MTPN: variants seen among roughly 807,000 people sequenced by gnomAD.
MTPN encodes the protein myotrophin, also known as granule cell differentiation protein.
In MTPN, 2 loss-of-function variants were observed where a neutral mutation model predicts 13.5. The ratio of observed to expected loss-of-function variants is 0.15; its 90% CI spans 0.06 to 0.47. The LOEUF is 0.47. MTPN is among the 20% of genes least tolerant of loss of function. The pLI is 0.97. For missense variants in MTPN, 79 were observed against 137.9 expected (o/e 0.57, Z 2.14); for synonymous variants, 46 against 51.7 (o/e 0.89, Z 0.48).
rs182795898 is a variant in MTPN, at chr7:135,950,022, G to A, written c.270+577C>T. The stretch of plus-strand genomic sequence containing the variant: ...ATCCATCTAATACAGCTAGAATGGC[G>A]GCAACTAAATGGTTAATTTCTGAGT... On this transcript the variant is annotated intron_variant, in intron 3 of 3. Transcript: ENST00000393085. 1.2e-4 allele frequency among the ~76,000 whole-genome samples: 18 copies of A among 152,136 alleles called. No individual in the cohort carries two copies. The East Asian group carries it at 3.5e-3, about 29-fold the overall frequency.
chr7:135,967,539 T>C (rs1360816181), intron 1 of MTPN, among the ~76,000 whole-genome samples: 1 of 152,174 alleles, frequency 6.6e-6, no homozygotes, highest in Non-Finnish European at 1.5e-5. Context: ...CAAATAGCAC[T>C]ATGATACTGG....
rs1231383605 is a variant in MTPN, at chr7:135,928,283, TG to T, written c.*1642del. On this transcript the variant is annotated 3_prime_UTR_variant, in exon 4 of 4. Coordinates refer to ENST00000393085, the MANE Select transcript of MTPN (RefSeq NM_145808.4). ...GCCACAGGATTAAAAAAAGGACTCA[TG>T]GGGAAAAATACACACACACACCCAC... 2 of 166,834 alleles carry T rather than the reference TG, an allele frequency of 1.2e-5. No homozygotes were observed. Among genetic ancestry groups the T allele is most frequent in the Admixed American group, 6.6e-5 (1 of 15,228 alleles). The allele number at this position is 166,834 out of a possible 1,614,324, so 10.3% of individuals were successfully genotyped here.
chr7:135,964,712 C>A (rs1799577781), intron 1 of MTPN, among the ~76,000 whole-genome samples: 1 of 152,058 alleles, frequency 6.6e-6, no homozygotes, highest in Admixed American at 6.6e-5. Context: ...TTCTCTCTAT[C>A]CACAAGCACC....
intron 1 of MTPN, among the ~76,000 whole-genome samples, chr7:135,970,068 C>T (rs567762096): frequency 2.0e-5 from 3 of 152,052 alleles, no homozygotes; most frequent in African/African-American, 4.8e-5. Flanking sequence ...AAGGTGATCA[C>T]GACAATCCTG....
intron 3 of MTPN, among the ~76,000 whole-genome samples, chr7:135,948,924 G>C (rs1799323535): frequency 6.6e-6 from 1 of 152,100 alleles, no homozygotes; most frequent in African/African-American, 2.4e-5. Context: ...GTAAAAAAAA[G>C]GTCAGGGAAA....
intron 1 of MTPN, chr7:135,960,557 T>C (rs1235984869): frequency 6.6e-6 from 1 of 151,886 alleles, no homozygotes; most frequent in East Asian, 1.9e-4. Context: ...AAAACCAATA[T>C]GGAGGTAGGG....
At chr7:135,972,231 G>GCGCGCGCACACACACACA (rs779296906) in intron 1 of MTPN, among the ~76,000 whole-genome samples, 14 of 124,718 alleles carry the variant, frequency 1.1e-4, no homozygotes, top group African/African-American at 4.2e-4. Context: ...GCACGCGCGC[G>GCGCGCGCACACACACACA]CACACACACA....
intron 1 of MTPN, among the ~76,000 whole-genome samples, chr7:135,970,857 C>T (rs1347915767): frequency 6.6e-6 from 1 of 152,066 alleles, no homozygotes; most frequent in African/African-American, 2.4e-5. Context: ...TACAAGCTGA[C>T]ATATGCTTTC....
intron 3 of MTPN, among the ~76,000 whole-genome samples, chr7:135,946,911 C>A (rs1799296102): frequency 6.6e-6 from 1 of 152,052 alleles, no homozygotes; most frequent in Non-Finnish European, 1.5e-5. Flanking sequence ...CTTCTTCACA[C>A]TCTCACTCCT....
Position 135,927,300 on chromosome 7 carries a change from A to T in MTPN, c.*2626T>A. On this transcript the variant is annotated 3_prime_UTR_variant, in exon 4 of 4. Coordinates refer to ENST00000393085, the MANE Select transcript of MTPN (RefSeq NM_145808.4). ...TAGAAAGGTGAGCTATGCGTAGAAG[A>T]ACTACTTGGGATATTCAAGTGCTGT... 1.3e-6 allele frequency: 2 copies of T among 1,550,270 alleles called. No individual in the cohort carries two copies. Among genetic ancestry groups the T allele is most frequent in the Non-Finnish European group, 1.7e-6 (2 of 1,146,494 alleles).
At chr7:135,947,552 T>C (rs1027837818) in intron 3 of MTPN, among the ~76,000 whole-genome samples, 7 of 152,268 alleles carry the variant, frequency 4.6e-5, no homozygotes, top group Middle Eastern at 3.4e-3. Context: ...TCTCTACATT[T>C]TTCTCATTTA....
intron 1 of MTPN, among the ~76,000 whole-genome samples, chr7:135,968,274 C>T (rs1267722627): frequency 3.9e-5 from 6 of 152,084 alleles, no homozygotes; most frequent in Non-Finnish European, 8.8e-5. Context: ...TTTCGTGAAG[C>T]TCAAGGTTAC....
At position 135,931,577 on chromosome 7, in the gene MTPN, C is replaced by A. The variant is rs182882029; in HGVS notation, c.271-1565G>T. 1.3e-5 allele frequency among the ~76,000 whole-genome samples: 2 copies of A among 152,196 alleles called. 1 individual carries two copies. Among genetic ancestry groups the A allele is most frequent in the Admixed American group, 1.3e-4 (2 of 15,298 alleles). ...GGGTCAAGTGGGAGAGACGTCAGTGCGTGAGAACTTCAGTGCTGTGAGTCC... is the reference window on the plus strand; with the variant it reads ...GGGTCAAGTGGGAGAGACGTCAGTGAGTGAGAACTTCAGTGCTGTGAGTCC... On this transcript the variant is annotated intron_variant, in intron 3 of 3. Coordinates refer to ENST00000393085, the MANE Select transcript of MTPN (RefSeq NM_145808.4).
intron 3 of MTPN, among the ~76,000 whole-genome samples, chr7:135,949,299 T>G (rs1799328769): frequency 6.6e-6 from 1 of 152,204 alleles, no homozygotes; most frequent in Admixed American, 6.5e-5. Flanking sequence ...TCTAGCAGTA[T>G]TCAAAGGTAC....
chr7:135,949,502 T>C (rs1326064660), intron 3 of MTPN, among the ~76,000 whole-genome samples: 2 of 152,156 alleles, frequency 1.3e-5, no homozygotes, highest in African/African-American at 4.8e-5. Context: ...TCTTGATATA[T>C]AACCCAAACC....
At chr7:135,948,183 G>C (rs1348548782) in intron 3 of MTPN, among the ~76,000 whole-genome samples, 3 of 152,046 alleles carry the variant, frequency 2.0e-5, no homozygotes, top group Admixed American at 6.6e-5. Flanking sequence ...ATTTTTGAAA[G>C]AGTATAATCA....
At chr7:135,962,653 A>T (rs1799542852) in intron 1 of MTPN, among the ~76,000 whole-genome samples, 1 of 152,024 alleles carries the variant, frequency 6.6e-6, no homozygotes, top group South Asian at 2.1e-4. Flanking sequence ...ATTAACAAAT[A>T]AGCGGTATGT....
In MTPN at chr7:135,977,292, C is replaced by T; in HGVS notation, c.-192G>A. 1.6e-6 allele frequency: 1 copy of T among 617,688 alleles called. No homozygotes were observed. The highest frequency in any genetic ancestry group is 2.9e-6 in the Non-Finnish European group (1 of 347,736). The allele number at this position is 617,688 out of a possible 1,614,324, so 38.3% of individuals were successfully genotyped here. A position where few individuals can be genotyped will look rare whatever the true frequency, so the allele number is the denominator to read the frequency against. ...CCGTTCGGGCGGGAGAAAGAAAGTTCTTTTGCGGCCACCGGGCCCAGCAGA... is the reference window on the plus strand; with the variant it reads ...CCGTTCGGGCGGGAGAAAGAAAGTTTTTTTGCGGCCACCGGGCCCAGCAGA... On this transcript the variant is annotated 5_prime_UTR_variant, in exon 1 of 4. Transcript: ENST00000393085.
intron 1 of MTPN, among the ~76,000 whole-genome samples, chr7:135,968,364 C>T (rs575387452): frequency 1.3e-5 from 2 of 151,944 alleles, no homozygotes; most frequent in Admixed American, 1.3e-4. Flanking sequence ...TTTCTTGGGT[C>T]AGCTTCTTAC....
Sources: allele counts gnomAD v4.1 joint callset (sites outside exome capture counted in the v4.1 genomes callset), GRCh38; gene constraint gnomAD v4.1.1; transcripts MANE v1.5; gene names NCBI Gene and HGNC (gene_info 2026-07-23, HGNC 2026-07-21).